PSMG4: variants seen among roughly 807,000 people sequenced by gnomAD.
The protein encoded by PSMG4 is proteasome (prosome, macropain) assembly chaperone 4.
PSMG4 carries 10 observed loss-of-function variants against 11.0 expected under a neutral mutation model. The ratio of observed to expected loss-of-function variants is 0.91; its 90% confidence interval spans 0.56 to 1.54. The LOEUF is 1.54. PSMG4 is among the 40% of genes most tolerant of loss of function. The pLI, the probability that PSMG4 is intolerant of heterozygous loss-of-function variation, is 0.00. For synonymous variants in PSMG4, 95 were observed against 71.3 expected (o/e 1.33, Z -1.68); for missense variants, 198 against 160.9 (o/e 1.23, Z -1.25).
chr6:3,263,693 C>T lies in PSMG4; in HGVS notation c.184C>T (p.Pro62Ser), dbSNP rs755001094. ...VAMCSRYDSIPVSTSLLGDTS... is the reference protein window; with the variant it reads ...VAMCSRYDSISVSTSLLGDTS... ...TTTGCTTTTCTTTTAGGACTCCATC[C>T]CCGTGTCTACCTCCCTCCTTGGAGA... The change falls in exon 2 of 3, where the codon CCC becomes TCC. Residue 62 changes from proline to serine, a missense_variant. Coordinates refer to ENST00000438998, the MANE Select transcript of PSMG4 (RefSeq NM_001128591.2). 1.3e-6 allele frequency: 2 copies of T among 1,548,922 alleles called. No individual in the cohort carries two copies. Among genetic ancestry groups the T allele is most frequent in the South Asian group, 1.2e-5 (1 of 83,626 alleles).
At chr6:3,262,833 A>AT (rs1758043226) in intron 1 of PSMG4, among the ~76,000 whole-genome samples, 3 of 130,150 alleles carry the variant, frequency 2.3e-5, no homozygotes. Context: ...TTCTTACTTT[A>AT]TTTTTTTATT....
chr6:3,266,815 G>A (rs1420690543), intron 2 of PSMG4: 13 of 149,072 alleles, frequency 8.7e-5, no homozygotes, highest in African/African-American at 2.4e-4. Flanking sequence ...GAACTGGTTG[G>A]GGTGGGGTGG....
At chr6:3,255,401 G>A (rs917006562), upstream of PSMG4, among the ~76,000 whole-genome samples, 29 of 152,288 alleles carry the variant, frequency 1.9e-4, no homozygotes, top group East Asian at 1.9e-4. Context: ...AACATGACAA[G>A]GATTTTCACA....
intron 1 of PSMG4, 141 bp downstream of exon 1, chr6:3,259,337 G>C (rs901945749): frequency 1.3e-6 from 1 of 792,928 alleles, no homozygotes; most frequent in African/African-American, 1.8e-5. Flanking sequence ...GGATGTCTTA[G>C]GAAGCCCGCG....
intron 2 of PSMG4, chr6:3,263,993 G>A (rs1561843267): frequency 1.1e-5 from 15 of 1,311,104 alleles, no homozygotes; most frequent in East Asian, 5.1e-5. Flanking sequence ...CTCCCACCTC[G>A]TCCTTGGGTG....
chr6:3,263,468 C>G (rs1561842846), intron 1 of PSMG4, among the ~76,000 whole-genome samples: 1 of 152,234 alleles, frequency 6.6e-6, no homozygotes, highest in Non-Finnish European at 1.5e-5. Flanking sequence ...GTGGTTCCAG[C>G]TTCATCTTTC....
chr6:3,259,013 G>A lies in PSMG4; in HGVS notation c.-10G>A. 1.6e-6 allele frequency: 2 copies of A among 1,243,482 alleles called. No homozygotes were observed. The highest frequency in any genetic ancestry group is 1.0e-6 in the Non-Finnish European group (1 of 992,840). The allele number at this position is 1,243,482 out of a possible 1,614,324, so 77.0% of individuals were successfully genotyped here. A position where few individuals can be genotyped will look rare whatever the true frequency, so the allele number is the denominator to read the frequency against. ...GGTCTGGCGCTGTGGGCCGGGAGCC[G>A]TGGGGCGGCATGGAGGGGCTGGTTG... On this transcript the variant is annotated 5_prime_UTR_variant, in exon 1 of 3. In the 5' UTR this introduces an upstream ATG that the reference lacks. Coordinates refer to ENST00000438998, the MANE Select transcript of PSMG4 (RefSeq NM_001128591.2).
intron 2 of PSMG4, 183 bp downstream of exon 2, chr6:3,263,942 T>G (rs907322844): frequency 4.3e-6 from 6 of 1,393,570 alleles, no homozygotes; most frequent in African/African-American, 1.4e-5. Context: ...CATGCTCGCC[T>G]GTCATCACCA....
At chr6:3,257,997 A>AT (rs369144179), upstream of PSMG4, among the ~76,000 whole-genome samples, 8 of 152,356 alleles carry the variant, frequency 5.3e-5, no homozygotes, top group Middle Eastern at 3.4e-3. Context: ...TCTATTAGAG[A>AT]TTTTTAAAGC....
upstream of PSMG4, chr6:3,255,187 GGA>G: frequency 1.3e-6 from 2 of 1,550,666 alleles, no homozygotes; most frequent in Non-Finnish European, 1.7e-6. Flanking sequence ...GCGCTCTGGT[GGA>G]AGTAGGATGT....
chr6:3,267,880 C>G lies in PSMG4; in HGVS notation c.*168C>G. On this transcript the variant is annotated 3_prime_UTR_variant, in exon 3 of 3. Coordinates refer to ENST00000438998, the MANE Select transcript of PSMG4 (RefSeq NM_001128591.2). Reference sequence around the variant, plus strand: ...GGGCCAAAAGGCTCATACTGACCCACCTGGTGAAGGAGAGGCAAAGTGGGC... The same window carrying G: ...GGGCCAAAAGGCTCATACTGACCCAGCTGGTGAAGGAGAGGCAAAGTGGGC... The G allele has an allele frequency of 1.6e-6, 1 of 628,542 alleles. No individual in the cohort carries two copies. Among genetic ancestry groups the G allele is most frequent in the Non-Finnish European group, 2.7e-6 (1 of 376,806 alleles). 38.9% of individuals were successfully genotyped at this position (628,542 alleles called of 1,614,324 possible). A position where few individuals can be genotyped will look rare whatever the true frequency, so the allele number is the denominator to read the frequency against.
intron 1 of PSMG4, among the ~76,000 whole-genome samples, chr6:3,260,289 A>ATTTTTTTTTTTTTT (rs1264357024): frequency 1.9e-4 from 6 of 31,070 alleles, no homozygotes; most frequent in Non-Finnish European, 3.4e-4. Context: ...ATATATATAT[A>ATTTTTTTTTTTTTT]TATTTTTTTT....
chr6:3,263,262 C>G (rs762912234), intron 1 of PSMG4, among the ~76,000 whole-genome samples: 1 of 152,348 alleles, frequency 6.6e-6, no homozygotes, highest in South Asian at 2.1e-4. Flanking sequence ...GGCATCCTGC[C>G]TCTGAGCCAG....
upstream of PSMG4, chr6:3,255,090 TTGGC>T: frequency 6.4e-7 from 1 of 1,550,850 alleles, no homozygotes; most frequent in Non-Finnish European, 8.7e-7. Flanking sequence ...TCCTAAGAAG[TTGGC>T]TGCATAGGAG....
At chr6:3,259,718 C>A (rs113935665) in intron 1 of PSMG4, among the ~76,000 whole-genome samples, 4 of 152,200 alleles carry the variant, frequency 2.6e-5, no homozygotes, top group African/African-American at 9.6e-5. Flanking sequence ...CCTCTTTCTT[C>A]ACACTCCACG....
upstream of PSMG4, chr6:3,258,919 C>T (rs1757853641): frequency 1.8e-6 from 2 of 1,140,454 alleles, no homozygotes; most frequent in Admixed American, 4.3e-5. Flanking sequence ...GGGCCGAAAG[C>T]GAAAGCGCGC....
upstream of PSMG4, among the ~76,000 whole-genome samples, chr6:3,254,437 G>T (rs1020467678): frequency 1.7e-4 from 20 of 117,592 alleles, no homozygotes; most frequent in African/African-American, 5.2e-4. Flanking sequence ...GCTTTGTGCT[G>T]TAATAGTTTT....
At chr6:3,254,756 C>G (rs181990125), upstream of PSMG4, among the ~76,000 whole-genome samples, 1 of 152,078 alleles carries the variant, frequency 6.6e-6, no homozygotes, top group African/African-American at 2.4e-5. Flanking sequence ...CTTTTAAAAA[C>G]TGTAATGCTC....
In PSMG4 at chr6:3,267,600, CCAA is replaced by C; in HGVS notation, c.264_266del (p.Asn88del). The C allele has an allele frequency of 6.4e-7, 1 of 1,551,652 alleles. No homozygotes were observed. The highest frequency in any genetic ancestry group is 8.7e-7 in the Non-Finnish European group (1 of 1,146,898). ...TGTTTTCTCTTTTTAGCCAGGAAGA[CCAA>C]CAAACAGGTGTTTGTCAGCTATAAC... On this transcript the variant is annotated inframe_deletion, in exon 3 of 3. Transcript: ENST00000438998.
Sources: gnomAD v4.1 joint callset for allele counts (sites outside exome capture counted in the v4.1 genomes callset) on GRCh38, gnomAD v4.1.1 for gene constraint, MANE v1.5 for transcripts, NCBI Gene and HGNC (gene_info 2026-07-23, HGNC 2026-07-21) for gene names.